SLC9A9: variants seen among roughly 807,000 people sequenced by gnomAD.
SLC9A9 encodes sodium/hydrogen exchanger 9.
In SLC9A9, 62 loss-of-function variants were observed where a neutral mutation model predicts 77.8. The ratio of observed to expected loss-of-function variants is 0.80; its 90% CI spans 0.65 to 0.98. The LOEUF (loss-of-function observed/expected upper bound fraction) is 0.98, where lower values mean the gene tolerates loss of function less well. SLC9A9 is among the 50% of genes least tolerant of loss of function. The pLI, the probability that SLC9A9 is intolerant of heterozygous loss-of-function variation, is 0.00. For missense variants in SLC9A9, 775 were observed against 774.9 expected (o/e 1.00, Z 0.00); for synonymous variants, 320 against 283.5 (o/e 1.13, Z -1.29).
chr3:143,484,760 T>A (rs1466308954), intron 11 of SLC9A9, among the ~76,000 whole-genome samples: 1 of 152,150 alleles, frequency 6.6e-6, no homozygotes. Context: ...AGATGAGAAG[T>A]TTCTAAGTTC....
At chr3:143,487,294 T>A (rs991909025) in intron 11 of SLC9A9, among the ~76,000 whole-genome samples, 1 of 151,860 alleles carries the variant, frequency 6.6e-6, no homozygotes, top group Admixed American at 6.6e-5. Flanking sequence ...CTGACAAAAT[T>A]TAATGGAGAA....
intron 4 of SLC9A9, among the ~76,000 whole-genome samples, chr3:143,713,832 C>CT (rs1258161612): frequency 6.6e-6 from 1 of 152,022 alleles, no homozygotes; most frequent in Non-Finnish European, 1.5e-5. Flanking sequence ...TTATAAAAAG[C>CT]TGAAGGAAGA....
intron 2 of SLC9A9, among the ~76,000 whole-genome samples, chr3:143,823,941 A>G (rs1313675280): frequency 6.6e-6 from 1 of 152,176 alleles, no homozygotes. Flanking sequence ...TTTATAATGT[A>G]TAGAGTATAT....
chr3:143,690,269 G>A lies in SLC9A9; in HGVS notation c.649+2923C>T, dbSNP rs988879133. ...AGAGTAGGCAGTAGAAAATAAAAAC[G>A]AAAATAAAAATTCAAGGCAGTTAAG... is the stretch of plus-strand genomic sequence containing the variant. On this transcript the variant is annotated intron_variant, in intron 5 of 15. Coordinates refer to ENST00000316549, the MANE Select transcript of SLC9A9 (RefSeq NM_173653.4). 7.9e-5 allele frequency among the ~76,000 whole-genome samples: 12 copies of A among 151,898 alleles called. No homozygotes were observed. The East Asian group carries it at 1.7e-3, about 22-fold the overall frequency.
chr3:143,483,685 T>C (rs1486952446), intron 11 of SLC9A9, among the ~76,000 whole-genome samples: 1 of 152,212 alleles, frequency 6.6e-6, no homozygotes, highest in Non-Finnish European at 1.5e-5. Flanking sequence ...TTAAGTTTAT[T>C]AACTTCACAG....
intron 5 of SLC9A9, among the ~76,000 whole-genome samples, chr3:143,683,236 G>C (rs1437459462): frequency 6.6e-6 from 1 of 152,112 alleles, no homozygotes. Flanking sequence ...GATGCAACGT[G>C]ATCGATCAAG....
At chr3:143,327,768 G>A (rs1170558261) in intron 14 of SLC9A9, among the ~76,000 whole-genome samples, 3 of 152,140 alleles carry the variant, frequency 2.0e-5, no homozygotes, top group African/African-American at 4.8e-5. Flanking sequence ...CTTGATGAAT[G>A]CATTCTCATA....
intron 13 of SLC9A9, among the ~76,000 whole-genome samples, chr3:143,375,840 T>C (rs2033171006): frequency 1.3e-5 from 2 of 152,236 alleles, no homozygotes. Flanking sequence ...CTCTGACTCA[T>C]AGCTTATAGT....
intron 4 of SLC9A9, among the ~76,000 whole-genome samples, chr3:143,754,886 C>T (rs1430252905): frequency 6.6e-6 from 1 of 152,156 alleles, no homozygotes; most frequent in Non-Finnish European, 1.5e-5. Flanking sequence ...ATTTGGGTGG[C>T]AGGATTCCCA....
intron 2 of SLC9A9, chr3:143,811,843 C>T: frequency 6.7e-6 from 2 of 298,206 alleles, no homozygotes; most frequent in South Asian, 5.1e-5. Context: ...GGCTGGGTGA[C>T]AGAGAGAGAT....
At chr3:143,500,340 C>T (rs986292722) in intron 9 of SLC9A9, among the ~76,000 whole-genome samples, 1 of 152,142 alleles carries the variant, frequency 6.6e-6, no homozygotes, top group East Asian at 1.9e-4. Context: ...AATTGTGTTA[C>T]TTTTCTTATT....
At chr3:143,739,958 T>C (rs1935037184) in intron 4 of SLC9A9, among the ~76,000 whole-genome samples, 1 of 152,256 alleles carries the variant, frequency 6.6e-6, no homozygotes, top group African/African-American at 2.4e-5. Flanking sequence ...CATGTTGAGA[T>C]ATTTTGGTCC....
intron 2 of SLC9A9, among the ~76,000 whole-genome samples, chr3:143,816,389 T>C (rs927425592): frequency 1.3e-5 from 2 of 152,212 alleles, no homozygotes; most frequent in Non-Finnish European, 1.5e-5. Flanking sequence ...TACTTTTGTA[T>C]ATTTGTATGT....
chr3:143,720,182 TAG>T (rs1411618478), intron 4 of SLC9A9, among the ~76,000 whole-genome samples: 4 of 150,160 alleles, frequency 2.7e-5, no homozygotes, highest in South Asian at 2.1e-4. Flanking sequence ...TAAATATATG[TAG>T]AGTTATATAA....
intron 4 of SLC9A9, among the ~76,000 whole-genome samples, chr3:143,712,934 T>C (rs544468157): frequency 6.6e-6 from 1 of 152,270 alleles, no homozygotes; most frequent in South Asian, 2.1e-4. Flanking sequence ...GGTGGTTTTG[T>C]CTCAGGTGTG....
intron 9 of SLC9A9, among the ~76,000 whole-genome samples, chr3:143,531,261 T>C (rs1483091589): frequency 6.6e-6 from 1 of 152,180 alleles, no homozygotes; most frequent in Non-Finnish European, 1.5e-5. Context: ...TTTCAAATGC[T>C]CCCCTGGCAA....
intron 6 of SLC9A9, among the ~76,000 whole-genome samples, chr3:143,616,645 A>T (rs1192885487): frequency 6.6e-6 from 1 of 152,196 alleles, no homozygotes; most frequent in Non-Finnish European, 1.5e-5. Context: ...ATCGAGGTCT[A>T]GAAAGTGACA....
chr3:143,553,326 G>A (rs1403067202), intron 8 of SLC9A9, among the ~76,000 whole-genome samples: 3 of 152,178 alleles, frequency 2.0e-5, no homozygotes, highest in African/African-American at 7.2e-5. Flanking sequence ...AGCAGTGGGA[G>A]CTTGCACTGT....
At chr3:143,749,993 T>C (rs2006657328) in intron 4 of SLC9A9, among the ~76,000 whole-genome samples, 1 of 152,174 alleles carries the variant, frequency 6.6e-6, no homozygotes, top group South Asian at 2.1e-4. Flanking sequence ...ACTCCATTTT[T>C]TGTTATAAGA....
Sources: allele counts gnomAD v4.1 joint callset (sites outside exome capture counted in the v4.1 genomes callset), GRCh38; gene constraint gnomAD v4.1.1; transcripts MANE v1.5; gene names NCBI Gene and HGNC (gene_info 2026-07-23, HGNC 2026-07-21).